Variants in SNUPN observed in about 807,000 individuals in gnomAD.
SNUPN encodes the protein snurportin 1.
Under a neutral mutation model 39.2 loss-of-function variants are expected in SNUPN, and 31 were observed. The ratio of observed to expected loss-of-function variants is 0.79; its 90% CI spans 0.59 to 1.07. SNUPN has a LOEUF of 1.07. Among genes scored for constraint, SNUPN ranks in the 50% least tolerant of loss-of-function variants. SNUPN has a pLI of 0.00. For synonymous variants in SNUPN, 132 were observed against 159.0 expected (o/e 0.83, Z 1.28); for missense variants, 382 against 434.2 (o/e 0.88, Z 1.07).
At chr15:75,607,184 G>A (rs1409137746) in intron 6 of SNUPN, 32 bp downstream of exon 6, 1 of 1,506,392 alleles carries the variant, frequency 6.6e-7, no homozygotes, top group East Asian at 2.3e-5. Context: ...GGAGAAGACA[G>A]GAAGAGCCAC....
At chr15:75,599,280 G>A in intron 8 of SNUPN, among the ~76,000 whole-genome samples, 1 of 152,306 alleles carries the variant, frequency 6.6e-6, no homozygotes, top group South Asian at 2.1e-4. Context: ...CTGAGAGATG[G>A]GGCTGCTCAT....
intron 1 of SNUPN, among the ~76,000 whole-genome samples, chr15:75,622,796 A>C (rs4886718): frequency 0.55 from 84,174 of 152,018 alleles, 23,962 homozygotes; most frequent in African/African-American, 0.68. Flanking sequence ...GAAGTCAGAT[A>C]TTTTTCTTGA....
At chr15:75,618,408 CCTGT>C (rs1375298225) in intron 2 of SNUPN, among the ~76,000 whole-genome samples, 2 of 152,052 alleles carry the variant, frequency 1.3e-5, no homozygotes, top group Non-Finnish European at 2.9e-5. Flanking sequence ...TTCTCCAGTT[CCTGT>C]CTAACTTTCA....
In SNUPN at chr15:75,621,058, T is replaced by C; in HGVS notation, c.-5-2A>G. 6.2e-7 allele frequency: 1 copy of C among 1,613,568 alleles called. No homozygotes were observed. The highest frequency in any genetic ancestry group is 1.1e-5 in the South Asian group (1 of 91,034). ...CCTGACTCAACTCTTCCATCTTCCC[T>C]ACAAAGGAAAACGTAAGAAAATGGT... On this transcript the variant is annotated splice_acceptor_variant, in intron 1 of 8. Transcript: ENST00000308588. LOFTEE classifies it low-confidence loss of function (5UTR_SPLICE).
chr15:75,614,825 C>G (rs961686680), intron 3 of SNUPN, among the ~76,000 whole-genome samples: 1 of 152,192 alleles, frequency 6.6e-6, no homozygotes, highest in Non-Finnish European at 1.5e-5. Context: ...ACTTGTGGGG[C>G]ACTTCCAGAC....
intron 7 of SNUPN, among the ~76,000 whole-genome samples, chr15:75,602,346 C>T (rs746007870): frequency 1.3e-5 from 2 of 151,884 alleles, no homozygotes; most frequent in Non-Finnish European, 2.9e-5. Context: ...ACCAATATGG[C>T]GAAACCCCGT....
chr15:75,605,376 G>T, intron 6 of SNUPN, 149 bp from the exon 7 acceptor site: 1 of 482,828 alleles, frequency 2.1e-6, no homozygotes, highest in Non-Finnish European at 3.6e-6. Flanking sequence ...GTACAGTCTC[G>T]GCTCACTGTA....
intron 3 of SNUPN, among the ~76,000 whole-genome samples, chr15:75,611,207 C>G (rs1595985241): frequency 6.6e-6 from 1 of 150,978 alleles, no homozygotes; most frequent in African/African-American, 2.4e-5. Flanking sequence ...ATCAATTAAT[C>G]TCTCTCATTG....
intron 3 of SNUPN, among the ~76,000 whole-genome samples, chr15:75,612,036 C>CT (rs1892795311): frequency 6.2e-5 from 1 of 16,120 alleles, no homozygotes; most frequent in Non-Finnish European, 1.1e-4. Context: ...TCCTTTTTTT[C>CT]CTTTTTTTTT....
intron 5 of SNUPN, among the ~76,000 whole-genome samples, chr15:75,607,979 T>C (rs141764964): frequency 2.5e-4 from 38 of 152,050 alleles, no homozygotes; most frequent in Non-Finnish European, 5.1e-4. Flanking sequence ...ACTGGGCACA[T>C]GTGGGGAGAT....
At chr15:75,610,034 G>C (rs1214801687) in intron 3 of SNUPN, 40 bp from the exon 4 acceptor site, 1 of 1,471,910 alleles carries the variant, frequency 6.8e-7, no homozygotes, top group East Asian at 2.3e-5. Context: ...CAGCAGGGGT[G>C]TGCTACTCGA....
At chr15:75,602,829 A>G (rs1387504580) in intron 7 of SNUPN, among the ~76,000 whole-genome samples, 1 of 151,384 alleles carries the variant, frequency 6.6e-6, no homozygotes, top group African/African-American at 2.4e-5. Context: ...CTGGTCTCAA[A>G]CTCCTGGGCT....
chr15:75,621,411 C>T (rs1239087665), intron 1 of SNUPN, among the ~76,000 whole-genome samples: 1 of 151,996 alleles, frequency 6.6e-6, no homozygotes, highest in Admixed American at 6.6e-5. Context: ...CAGGTATACA[C>T]CACCACACCC....
chr15:75,615,944 C>T (rs1016341893), intron 3 of SNUPN, among the ~76,000 whole-genome samples: 13 of 151,974 alleles, frequency 8.6e-5, no homozygotes, highest in African/African-American at 2.9e-4. Flanking sequence ...ACATCTTCTA[C>T]ACCTATTCTA....
upstream of SNUPN, chr15:75,625,975 C>G (rs890660257): frequency 6.6e-6 from 1 of 152,410 alleles, no homozygotes; most frequent in Non-Finnish European, 1.5e-5. Flanking sequence ...AGGCCTCCCT[C>G]CTGAACACAA....
intron 8 of SNUPN, among the ~76,000 whole-genome samples, chr15:75,599,697 AG>A (rs1309668202): frequency 6.6e-6 from 1 of 152,254 alleles, no homozygotes; most frequent in East Asian, 1.9e-4. Flanking sequence ...TTATAAATAA[AG>A]ATGGTATTCT....
intron 7 of SNUPN, among the ~76,000 whole-genome samples, chr15:75,601,862 G>A (rs576421932): frequency 1.1e-4 from 17 of 149,960 alleles, no homozygotes; most frequent in African/African-American, 3.6e-4. Flanking sequence ...CTACTAGGTC[G>A]TGGTTCCCAA....
In SNUPN at chr15:75,620,987, G is replaced by C. The variant is rs560420502; in HGVS notation, c.65C>G (p.Ala22Gly). 7.4e-6 allele frequency: 12 copies of C among 1,614,094 alleles called. No individual in the cohort carries two copies. In the East Asian group the frequency reaches 2.5e-4, roughly 33 times the overall value. Residue 22 changes from alanine (A) to glycine (G), a missense_variant, in exon 2 of 9, where the codon GCT becomes GGT. Ala to Gly is a moderately conservative substitution (Grantham distance 60). Transcript: ENST00000308588. ...FSVSQDLNST[A>G]APHPRLSQYK... ...CTGGGATAGGCGGGGGTGTGGGGCA[G>C]CTGTGCTGTTCAGATCTTGAGACAC... is the stretch of plus-strand genomic sequence containing the variant.
intron 3 of SNUPN, among the ~76,000 whole-genome samples, chr15:75,612,681 C>G (rs573723418): frequency 1.3e-5 from 2 of 151,910 alleles, no homozygotes; most frequent in Non-Finnish European, 2.9e-5. Flanking sequence ...TCCTCTGCAC[C>G]GAAAACTCAG....
Sources: gnomAD v4.1 joint callset for allele counts (sites outside exome capture counted in the v4.1 genomes callset) on GRCh38, gnomAD v4.1.1 for gene constraint, MANE v1.5 for transcripts, NCBI Gene and HGNC (gene_info 2026-07-23, HGNC 2026-07-21) for gene names.